Variants in LRP5 observed in about 807,000 individuals in gnomAD.
The protein encoded by LRP5 is low-density lipoprotein receptor-related protein 5.
A neutral mutation model predicts 154.1 loss-of-function variants in LRP5; 62 were observed. The observed-to-expected ratio is 0.40, with a 90% CI of 0.33 to 0.50. The LOEUF is 0.50. Ranked by LOEUF, LRP5 falls within the 20% of genes least tolerant of loss-of-function variation. LRP5 has a pLI of 0.55. For synonymous variants in LRP5, 966 were observed against 1,011.5 expected, an observed-to-expected ratio of 0.96 and a Z score of 0.85; for missense variants, 1,915 against 2,336.7, an observed-to-expected ratio of 0.82 and a Z score of 3.72.
At chr11:68,399,646 G>A (rs567795056) in intron 7 of LRP5, among the ~76,000 whole-genome samples, 1 of 152,298 alleles carries the variant, frequency 6.6e-6, no homozygotes, top group African/African-American at 2.4e-5. Flanking sequence ...GGACAGGCAC[G>A]TTCTCTGCAT....
rs149682423 is a variant in LRP5 at position 68,386,548 on chromosome 11, C to T, written c.1248C>T (p.Asn416=). The T allele has an allele frequency of 8.1e-5, 131 of 1,613,902 alleles. No individual in the cohort carries two copies. In the African/African-American group the frequency reaches 1.2e-3, roughly 14 times the overall value. Residue 416 remains asparagine, a synonymous_variant, in exon 6 of 23, where the codon AAC becomes AAT. Transcript: ENST00000294304. This position sits in a 1 kb window ranked among gnomAD's most constrained non-coding sequence, Gnocchi z 7.9. ...GAQTLVNTEI[N]DPDGIAVDWV... is the part of the protein sequence containing the mutation. ...AGACGCTGGTCAACACCGAGATCAA[C>T]GACCCCGATGGCATCGCGGTCGACT... is the stretch of plus-strand genomic sequence containing the variant.
At chr11:68,368,431 G>T (rs776983404) in intron 5 of LRP5, among the ~76,000 whole-genome samples, 1 of 152,248 alleles carries the variant, frequency 6.6e-6, no homozygotes, top group African/African-American at 2.4e-5. Context: ...GCGGCTTTGA[G>T]GCAGGAGCAT....
At chr11:68,374,809 A>C (rs2098636433) in intron 5 of LRP5, among the ~76,000 whole-genome samples, 1 of 152,210 alleles carries the variant, frequency 6.6e-6, no homozygotes, top group Non-Finnish European at 1.5e-5. Context: ...ACTCACTGTC[A>C]GGGCTGATGC....
intron 21 of LRP5, among the ~76,000 whole-genome samples, chr11:68,441,353 C>T (rs897891851): frequency 1.3e-5 from 2 of 152,232 alleles, no homozygotes; most frequent in African/African-American, 4.8e-5. Context: ...GCTGGGATTA[C>T]AGGCGTGAGC....
At chr11:68,346,412 G>A (rs1283109841) in intron 1 of LRP5, among the ~76,000 whole-genome samples, 1 of 152,256 alleles carries the variant, frequency 6.6e-6, no homozygotes, top group East Asian at 1.9e-4. Flanking sequence ...TTGGCAGGGA[G>A]GCCTGTGCTC....
chr11:68,431,384 C>A (rs948009069), intron 17 of LRP5, among the ~76,000 whole-genome samples: 2 of 151,970 alleles, frequency 1.3e-5, no homozygotes, highest in Non-Finnish European at 2.9e-5. Context: ...GGATTACAGG[C>A]TCCCACCACC....
At chr11:68,383,466 G>A (rs1435422476) in intron 5 of LRP5, among the ~76,000 whole-genome samples, 1 of 152,212 alleles carries the variant, frequency 6.6e-6, no homozygotes, top group Non-Finnish European at 1.5e-5. Context: ...TTCGTGAAGT[G>A]GAGTCTCTGG....
intron 1 of LRP5, among the ~76,000 whole-genome samples, chr11:68,346,051 CTG>C (rs2098612636): frequency 6.6e-6 from 1 of 152,118 alleles, no homozygotes; most frequent in Non-Finnish European, 1.5e-5. Flanking sequence ...TAGGAGTTCT[CTG>C]TATTTCATGG....
At chr11:68,438,380 G>C in intron 19 of LRP5, 66 bp from the exon 20 acceptor site, 2 of 1,433,286 alleles carry the variant, frequency 1.4e-6, no homozygotes, top group South Asian at 2.3e-5. Context: ...CACGGTGTCT[G>C]CCCCCAAGGA....
At chr11:68,326,849 T>C (rs111910674) in intron 1 of LRP5, among the ~76,000 whole-genome samples, 1 of 152,196 alleles carries the variant, frequency 6.6e-6, no homozygotes, top group Non-Finnish European at 1.5e-5. Flanking sequence ...ATGGTCCTCA[T>C]GGTGGGGAGG....
intron 1 of LRP5, among the ~76,000 whole-genome samples, chr11:68,328,011 A>G (rs1393855924): frequency 1.3e-5 from 2 of 152,196 alleles, no homozygotes; most frequent in Non-Finnish European, 2.9e-5. Flanking sequence ...TCCCAAACCC[A>G]CATGCATATT....
chr11:68,384,521 C>T (rs2098641944), intron 5 of LRP5, among the ~76,000 whole-genome samples: 1 of 152,180 alleles, frequency 6.6e-6, no homozygotes, highest in South Asian at 2.1e-4. Context: ...GTAGACGATG[C>T]CCTAACCTGG....
intron 7 of LRP5, among the ~76,000 whole-genome samples, chr11:68,398,147 C>T (rs548045945): frequency 6.6e-6 from 1 of 152,174 alleles, no homozygotes; most frequent in African/African-American, 2.4e-5. Flanking sequence ...CCTTTAAACA[C>T]GTGCTGTCAG....
Position 68,337,045 on chromosome 11 carries a change from A to G in LRP5, c.92-10802A>G, listed in dbSNP as rs184439925. Among the ~76,000 whole-genome samples the G allele has an allele frequency of 1.5e-3, 223 of 152,382 alleles. 1 individual carries two copies. Among genetic ancestry groups the G allele is most frequent in the African/African-American group, 4.0e-3 (165 of 41,598 alleles). On this transcript the variant is annotated intron_variant, in intron 1 of 22. Coordinates refer to ENST00000294304, the MANE Select transcript of LRP5 (RefSeq NM_002335.4). ...GTAAAAACTGTAAATAAAATGCCAT[A>G]AAAACGCCAGCGTTGATCTTTGTGG...
At chr11:68,307,748 GT>G (rs1252834045), upstream of LRP5, among the ~76,000 whole-genome samples, 1 of 152,172 alleles carries the variant, frequency 6.6e-6, no homozygotes, top group African/African-American at 2.4e-5. Flanking sequence ...AGCCTGGGAG[GT>G]TAAGGCTGTA....
At chr11:68,366,769 G>A (rs180968064) in intron 5 of LRP5, among the ~76,000 whole-genome samples, 1 of 152,286 alleles carries the variant, frequency 6.6e-6, no homozygotes, top group Non-Finnish European at 1.5e-5. Context: ...TTCCCAAGTC[G>A]GGAGAAGGAG....
chr11:68,334,262 G>A (rs73496724), intron 1 of LRP5, among the ~76,000 whole-genome samples: 3,307 of 152,138 alleles, frequency 0.022, 119 homozygotes, highest in African/African-American at 0.075. Context: ...TAAAGAAGCA[G>A]CATGTCGAGG....
rs565028006 is a variant in LRP5 at position 68,366,412 on chromosome 11, TC to T, written c.1015+712del. On this transcript the variant is annotated intron_variant, in intron 5 of 22. Transcript: ENST00000294304. ...GCCCCCTAGAAGGACTCTCCTGGCATCCGGTGGATGGAGAAGTGTCCTTGCT... is the reference window on the plus strand; with the variant it reads ...GCCCCCTAGAAGGACTCTCCTGGCATCGGTGGATGGAGAAGTGTCCTTGCT... 2.8e-3 allele frequency among the ~76,000 whole-genome samples: 422 copies of T among 152,122 alleles called. 2 individuals are homozygous for T. Among genetic ancestry groups the T allele is most frequent in the African/African-American group, 9.9e-3 (409 of 41,510 alleles).
chr11:68,380,605 G>A (rs1267670720), intron 5 of LRP5, among the ~76,000 whole-genome samples: 5 of 152,228 alleles, frequency 3.3e-5, no homozygotes, highest in African/African-American at 4.8e-5. Flanking sequence ...TCTGCTGCAC[G>A]CACGGCGGGC....
Sources: allele counts gnomAD v4.1 joint callset (sites outside exome capture counted in the v4.1 genomes callset), GRCh38; gene constraint gnomAD v4.1.1; non-coding constraint Gnocchi (gnomAD v3.1); transcripts MANE v1.5; gene names NCBI Gene and HGNC (gene_info 2026-07-23, HGNC 2026-07-21).